NFIX: variants seen among roughly 807,000 people sequenced by gnomAD.
NFIX encodes nuclear factor I X.
NFIX carries 2 observed loss-of-function variants against 53.3 expected under a neutral mutation model. The observed-to-expected ratio is 0.04, with a 90% CI of 0.02 to 0.12. The LOEUF is 0.12. Among genes scored for constraint, NFIX ranks in the 10% least tolerant of loss-of-function variants. The pLI, the probability that NFIX is intolerant of heterozygous loss-of-function variation, is 1.00. For missense variants in NFIX, 310 were observed against 674.5 expected (o/e 0.46, Z 5.99); for synonymous variants, 244 against 289.0 (o/e 0.84, Z 1.58).
In NFIX at chr19:13,022,703, C is replaced by T. The variant is rs2013007274; in HGVS notation, c.28-2318C>T. On this transcript the variant is annotated intron_variant, in intron 1 of 10. Coordinates refer to ENST00000592199, the MANE Select transcript of NFIX (RefSeq NM_001365902.3). This position sits in a 1 kb window ranked among gnomAD's most constrained non-coding sequence, Gnocchi z 4.5. ...GAAGGCGCAGCTGCTTCCCCAAGGC[C>T]TTCTGGGGCTCCCGCCCGCCAGCCC... 6.6e-6 allele frequency among the ~76,000 whole-genome samples: 1 copy of T among 152,118 alleles called. No individual in the cohort carries two copies. The highest frequency in any genetic ancestry group is 1.5e-5 in the Non-Finnish European group (1 of 68,014).
intron 2 of NFIX, among the ~76,000 whole-genome samples, chr19:13,057,452 G>T (rs1346461493): frequency 6.6e-6 from 1 of 152,196 alleles, no homozygotes; most frequent in Non-Finnish European, 1.5e-5. Flanking sequence ...TTAGCTGTGT[G>T]CGAGGAGCCC....
At chr19:13,010,905 C>T (rs1427514025) in intron 1 of NFIX, among the ~76,000 whole-genome samples, 1 of 152,260 alleles carries the variant, frequency 6.6e-6, no homozygotes, top group Non-Finnish European at 1.5e-5. Flanking sequence ...CCATATGTCC[C>T]TGGGGCACAG....
At chr19:13,050,030 A>G (rs1235447676) in intron 2 of NFIX, among the ~76,000 whole-genome samples, 1 of 152,162 alleles carries the variant, frequency 6.6e-6, no homozygotes, top group Non-Finnish European at 1.5e-5. Flanking sequence ...ATGTACAAGC[A>G]TTTATGTGGA....
chr19:13,092,816 C>T (rs901253196), intron 10 of NFIX, among the ~76,000 whole-genome samples: 3 of 152,254 alleles, frequency 2.0e-5, no homozygotes, highest in Admixed American at 2.0e-4. Flanking sequence ...CTCCCCCACC[C>T]ACTCTGGGGA....
At chr19:13,016,654 G>GTTTT (rs200460597) in intron 1 of NFIX, among the ~76,000 whole-genome samples, 1 of 131,968 alleles carries the variant, frequency 7.6e-6, no homozygotes, top group Non-Finnish European at 1.6e-5. Context: ...TTGGGTTTGA[G>GTTTT]TTTTTTTTTT....
chr19:13,079,807 G>A (rs1173802108), intron 7 of NFIX, among the ~76,000 whole-genome samples: 2 of 152,246 alleles, frequency 1.3e-5, no homozygotes, highest in Admixed American at 6.5e-5. Flanking sequence ...GAGAGCAAGA[G>A]CGAGCTGATT....
intron 2 of NFIX, among the ~76,000 whole-genome samples, chr19:13,042,198 G>T (rs1036516002): frequency 2.0e-5 from 3 of 151,862 alleles, no homozygotes; most frequent in African/African-American, 7.3e-5. Flanking sequence ...GAGCCACTGC[G>T]CCTGGCCTTA....
chr19:13,090,320 C>T lies in NFIX; in HGVS notation c.1424C>T (p.Ser475Phe). The change falls in exon 10 of 11, where the codon TCC (serine) becomes TTC (phenylalanine). Residue 475 changes from serine (S) to phenylalanine (F), a missense_variant. Ser to Phe is a radical substitution (Grantham distance 155, BLOSUM62 -2). Transcript: ENST00000592199. This position sits in a 1 kb window ranked among gnomAD's most constrained non-coding sequence, Gnocchi z 6.6. Reference protein sequence around the residue: ...PSPSFATTGASSANRFVSIGP... With the variant: ...PSPSFATTGAFSANRFVSIGP... Reference sequence around the variant, plus strand: ...ACAGCATTCGCAACGACAGGCGCCTCCTCTGCCAACCGGTTTGTCAGCATC... The same window carrying T: ...ACAGCATTCGCAACGACAGGCGCCTTCTCTGCCAACCGGTTTGTCAGCATC... 1 of 1,613,998 alleles carries T rather than the reference C, an allele frequency of 6.2e-7. No homozygotes were observed. The highest frequency in any genetic ancestry group is 8.5e-7 in the Non-Finnish European group (1 of 1,179,894).
rs1442496585 is a variant in NFIX, at chr19:13,095,026, A to G, written c.*377A>G. On this transcript the variant is annotated 3_prime_UTR_variant, in exon 11 of 11. Transcript: ENST00000592199. Reference sequence around the variant, plus strand: ...AACAAAGTCCCCAAACAAAGCAACCAGCACAATTCTGAAGGGGCCTGGCCT... The same window carrying G: ...AACAAAGTCCCCAAACAAAGCAACCGGCACAATTCTGAAGGGGCCTGGCCT... 4.1e-6 allele frequency: 1 copy of G among 241,042 alleles called. No individual in the cohort carries two copies. Among genetic ancestry groups the G allele is most frequent in the Admixed American group, 5.2e-5 (1 of 19,288 alleles). 14.9% of individuals were successfully genotyped at this position (241,042 alleles called of 1,614,324 possible). A position where few individuals can be genotyped will look rare whatever the true frequency, so the allele number is the denominator to read the frequency against.
At chr19:12,995,945 G>A in intron 1 of NFIX, 81 bp downstream of exon 1, 2 of 572,418 alleles carry the variant, frequency 3.5e-6, no homozygotes, top group Non-Finnish European at 4.4e-6. Context: ...GAGGGGACGC[G>A]CGGCGGCCGG....
chr19:13,011,378 G>C lies in NFIX; in HGVS notation c.28-13643G>C, dbSNP rs1173456877. 6.6e-6 allele frequency among the ~76,000 whole-genome samples: 1 copy of C among 152,202 alleles called. No individual in the cohort carries two copies. The highest frequency in any genetic ancestry group is 1.9e-4 in the East Asian group (1 of 5,190). On this transcript the variant is annotated intron_variant, in intron 1 of 10. Transcript: ENST00000592199. The surrounding 1 kb of genome is among the most constrained non-coding windows in gnomAD (Gnocchi z 6.5). ...TTAATGCCCCCCACCACCCCACCTCGGGAGAAATTTCCACTTGCCCCCGAG... is the reference window on the plus strand; with the variant it reads ...TTAATGCCCCCCACCACCCCACCTCCGGAGAAATTTCCACTTGCCCCCGAG...
chr19:13,092,013 G>A (rs548135127), intron 10 of NFIX, among the ~76,000 whole-genome samples: 1 of 152,354 alleles, frequency 6.6e-6, no homozygotes, highest in South Asian at 2.1e-4. Flanking sequence ...CGGGGGTCCA[G>A]GGCCCCTGAG....
chr19:13,038,977 G>A (rs1488802752), intron 2 of NFIX, among the ~76,000 whole-genome samples: 1 of 152,206 alleles, frequency 6.6e-6, no homozygotes, highest in Non-Finnish European at 1.5e-5. Context: ...GGTCCTGCCT[G>A]CTGTGCCAAA....
At chr19:13,055,354 C>G (rs890346256) in intron 2 of NFIX, among the ~76,000 whole-genome samples, 4 of 152,160 alleles carry the variant, frequency 2.6e-5, no homozygotes, top group African/African-American at 9.7e-5. Flanking sequence ...CGAGGGCCTG[C>G]CCCACTCTCC....
intron 2 of NFIX, among the ~76,000 whole-genome samples, chr19:13,054,863 C>T (rs2015551831): frequency 6.6e-6 from 1 of 152,172 alleles, no homozygotes; most frequent in African/African-American, 2.4e-5. Context: ...AGTCACCAGC[C>T]ACAGTCACAC....
rs941462549 is a variant in NFIX, at chr19:13,027,149, T to A, written c.559+1597T>A. On this transcript the variant is annotated intron_variant, in intron 2 of 10. Transcript: ENST00000592199. The surrounding 1 kb of genome is among the most constrained non-coding windows in gnomAD (Gnocchi z 4.3). Reference sequence around the variant, plus strand: ...TGTCCTGAGAGGTTGCTTTGGTAACTGGTTAGAAGCAGGGGACACCACTCT... The same window carrying A: ...TGTCCTGAGAGGTTGCTTTGGTAACAGGTTAGAAGCAGGGGACACCACTCT... Among the ~76,000 whole-genome samples the A allele has an allele frequency of 4.6e-5, 7 of 152,164 alleles. No individual in the cohort carries two copies. Among genetic ancestry groups the A allele is most frequent in the Admixed American group, 6.5e-5 (1 of 15,276 alleles).
In NFIX at chr19:12,996,142, CGT is replaced by C. The variant is rs3046151; in HGVS notation, c.27+306_27+307del. 0.5 allele frequency among the ~76,000 whole-genome samples: 72,896 copies of C among 145,492 alleles called. 18,319 individuals carry two copies. Among genetic ancestry groups the C allele is most frequent in the East Asian group, 0.82 (3,880 of 4,716 alleles). ...TGGAGCGCAGGCGGGAGTGCGTGTA[CGT>C]GTGTGTGTGTGTGTGTGTGTGTGTG... is the stretch of plus-strand genomic sequence containing the variant. On this transcript the variant is annotated intron_variant, in intron 1 of 10. Coordinates refer to ENST00000592199, the MANE Select transcript of NFIX (RefSeq NM_001365902.3). The surrounding 1 kb of genome is among the most constrained non-coding windows in gnomAD (Gnocchi z 5.2).
Position 13,075,546 on chromosome 19 carries a change from G to A in NFIX, c.830G>A (p.Arg277His), listed in dbSNP as rs1204135009. The A allele has an allele frequency of 1.2e-6, 2 of 1,613,578 alleles. No homozygotes were observed. The highest frequency in any genetic ancestry group is 1.3e-5 in the African/African-American group (1 of 74,978). Reference protein sequence around the residue: ...TSPPSTSTTKRPKSIDDSEME... With the variant: ...TSPPSTSTTKHPKSIDDSEME... ...TCTTTCTTCCCCAGCACCACCAAGC[G>A]CCCCAAGTCCATCGATGACAGTGAG... Residue 277 changes from arginine to histidine, a missense_variant, in exon 6 of 11, where the codon CGC becomes CAC. By Grantham distance (29) the Arg-to-His change is conservative. Coordinates refer to ENST00000592199, the MANE Select transcript of NFIX (RefSeq NM_001365902.3).
intron 8 of NFIX, 54 bp from the exon 9 acceptor site, chr19:13,087,935 G>A (rs951668933): frequency 4.0e-5 from 61 of 1,533,116 alleles, no homozygotes; most frequent in Middle Eastern, 1.7e-4. Context: ...GCAGGGGAGC[G>A]TGTGTCTGTG....
Sources: gnomAD v4.1 joint callset for allele counts (sites outside exome capture counted in the v4.1 genomes callset) on GRCh38, gnomAD v4.1.1 for gene constraint, Gnocchi (gnomAD v3.1) non-coding constraint, MANE v1.5 for transcripts, NCBI Gene and HGNC (gene_info 2026-07-23, HGNC 2026-07-21) for gene names.